The following CEMIP2 variants were observed in gnomAD, a reference collection of about 807,000 sequenced individuals.
The protein encoded by CEMIP2 is cell migration inducing hyaluronidase 2.
CEMIP2 carries 79 observed loss-of-function variants against 146.9 expected under a neutral mutation model. The ratio of observed to expected loss-of-function variants is 0.54; its 90% confidence interval spans 0.45 to 0.65. The LOEUF is 0.65. CEMIP2 is among the 30% of genes least tolerant of loss of function. The pLI is 0.00. For missense variants in CEMIP2, 1,596 were observed against 1,696.2 expected, an observed-to-expected ratio of 0.94 and a Z score of 1.04; for synonymous variants, 601 against 606.3, an observed-to-expected ratio of 0.99 and a Z score of 0.13.
At chr9:71,719,653 C>A (rs1408752031) in intron 12 of CEMIP2, among the ~76,000 whole-genome samples, 1 of 151,934 alleles carries the variant, frequency 6.6e-6, no homozygotes, top group East Asian at 1.9e-4. Flanking sequence ...AGTGTCATAT[C>A]CATCTTTAGA....
At chr9:71,743,895 A>G (rs1823996605) in intron 4 of CEMIP2, among the ~76,000 whole-genome samples, 1 of 152,194 alleles carries the variant, frequency 6.6e-6, no homozygotes, top group Non-Finnish European at 1.5e-5. Context: ...TCAAAGGAAA[A>G]AATAGTAACT....
intron 7 of CEMIP2, 80 bp downstream of exon 7, chr9:71,732,271 T>C (rs1823640779): frequency 1.3e-5 from 19 of 1,408,994 alleles, no homozygotes; most frequent in South Asian, 4.3e-5. Context: ...ATTTATATCT[T>C]GTTCCAAAAC....
intron 4 of CEMIP2, among the ~76,000 whole-genome samples, chr9:71,742,770 A>G (rs1823959391): frequency 1.3e-5 from 2 of 152,242 alleles, no homozygotes; most frequent in African/African-American, 4.8e-5. Context: ...TCCTAGGTTT[A>G]TATATTATAG....
At chr9:71,730,602 C>T (rs1823587382) in intron 8 of CEMIP2, 103 bp downstream of exon 8, 1 of 1,218,106 alleles carries the variant, frequency 8.2e-7, no homozygotes, top group South Asian at 1.5e-5. Flanking sequence ...TAGAGCAAGG[C>T]ATGTGGCTAA....
At chr9:71,755,358 C>G (rs1824400420) in intron 1 of CEMIP2, among the ~76,000 whole-genome samples, 1 of 150,396 alleles carries the variant, frequency 6.6e-6, no homozygotes, top group Non-Finnish European at 1.5e-5. Context: ...CACACACACA[C>G]ACACACACAC....
chr9:71,691,276 C>A (rs13290692), intron 21 of CEMIP2, among the ~76,000 whole-genome samples: 3 of 151,518 alleles, frequency 2.0e-5, no homozygotes, highest in African/African-American at 7.3e-5. Flanking sequence ...AGAGATACAC[C>A]GGGCGTGGTG....
chr9:71,755,346 TAC>T (rs34581447), intron 1 of CEMIP2, among the ~76,000 whole-genome samples: 67,913 of 134,620 alleles, frequency 0.5, 17,413 homozygotes, highest in East Asian at 0.64. Context: ...ACCCTGTCTC[TAC>T]ACACACACAC....
At chr9:71,725,554 A>G (rs377442244) in intron 11 of CEMIP2, 27 bp downstream of exon 11, 1 of 1,609,856 alleles carries the variant, frequency 6.2e-7, no homozygotes, top group African/African-American at 1.3e-5. Context: ...TAGCATATGT[A>G]CTAATTGTTA....
intron 20 of CEMIP2, among the ~76,000 whole-genome samples, chr9:71,696,768 TCAA>T (rs1156851094): frequency 2.0e-5 from 3 of 151,864 alleles, no homozygotes; most frequent in South Asian, 2.1e-4. Context: ...AGACTCCATC[TCAA>T]CAACAACAAC....
intron 1 of CEMIP2, among the ~76,000 whole-genome samples, chr9:71,761,384 C>T (rs1824631509): frequency 6.6e-6 from 1 of 152,096 alleles, no homozygotes; most frequent in Admixed American, 6.5e-5. Flanking sequence ...TAGTGATGTA[C>T]AGATACCAAA....
In CEMIP2 at chr9:71,747,694, C is replaced by T. The variant is rs535039432; in HGVS notation, c.332-1353G>A. Among the ~76,000 whole-genome samples, 3 of 152,166 alleles carry T rather than the reference C, an allele frequency of 2.0e-5. No individual in the cohort carries two copies. The South Asian group carries it at 6.2e-4, about 32-fold the overall frequency. On this transcript the variant is annotated intron_variant, in intron 2 of 23. Coordinates refer to ENST00000377044, the MANE Select transcript of CEMIP2 (RefSeq NM_013390.3). Reference sequence around the variant, plus strand: ...AAAAGTAGAGAGGTAGGGTGCTACACAAACATATTGTTCTATACAGAAAAA... The same window carrying T: ...AAAAGTAGAGAGGTAGGGTGCTACATAAACATATTGTTCTATACAGAAAAA...
intron 1 of CEMIP2, among the ~76,000 whole-genome samples, chr9:71,758,394 G>C (rs965612042): frequency 2.0e-5 from 3 of 152,204 alleles, no homozygotes; most frequent in African/African-American, 7.2e-5. Flanking sequence ...GGAGACTTCA[G>C]AATGAAAACC....
In CEMIP2 at chr9:71,685,349, A is replaced by C; in HGVS notation, c.4000T>G (p.Trp1334Gly). The part of the protein sequence containing the change: ...LGFSGNFKPS[W>G]TKLFTSPAGQ... Reference sequence around the variant, plus strand: ...GCAGGACTGGTAAATAGCTTAGTCCATGATGGTTTAAAGTTTCCACTGAAT... The same window carrying C: ...GCAGGACTGGTAAATAGCTTAGTCCCTGATGGTTTAAAGTTTCCACTGAAT... The change falls in exon 24 of 24, where the codon TGG becomes GGG. Residue 1334 changes from tryptophan (W) to glycine (G), a missense_variant. Physicochemically the swap from Trp to Gly is radical, Grantham distance 184. Coordinates refer to ENST00000377044, the MANE Select transcript of CEMIP2 (RefSeq NM_013390.3). The C allele has an allele frequency of 6.3e-7, 1 of 1,595,732 alleles. No homozygotes were observed. Among genetic ancestry groups the C allele is most frequent in the Non-Finnish European group, 8.5e-7 (1 of 1,174,184 alleles).
At chr9:71,702,278 A>AAAAAC (rs1554681413) in intron 18 of CEMIP2, among the ~76,000 whole-genome samples, 2 of 144,802 alleles carry the variant, frequency 1.4e-5, no homozygotes, top group African/African-American at 2.5e-5. Context: ...AAAAAAAAAA[A>AAAAAC]AATATTGTTC....
chr9:71,721,681 C>G (rs951333023), intron 12 of CEMIP2, among the ~76,000 whole-genome samples: 12 of 152,148 alleles, frequency 7.9e-5, no homozygotes, highest in African/African-American at 2.9e-4. Context: ...GTCAACAAAG[C>G]CTATTAAATC....
intron 21 of CEMIP2, among the ~76,000 whole-genome samples, chr9:71,692,609 C>T (rs559912269): frequency 7.2e-5 from 11 of 152,156 alleles, no homozygotes; most frequent in African/African-American, 2.4e-4. Context: ...AGCATAAACA[C>T]AGACTTGAAG....
chr9:71,732,965 C>T (rs1419527895), intron 6 of CEMIP2, among the ~76,000 whole-genome samples: 1 of 152,028 alleles, frequency 6.6e-6, no homozygotes, highest in East Asian at 1.9e-4. Flanking sequence ...CTCAATCCTC[C>T]CTTCAACAGC....
At chr9:71,696,650 A>C (rs1397276873) in intron 20 of CEMIP2, among the ~76,000 whole-genome samples, 1 of 152,082 alleles carries the variant, frequency 6.6e-6, no homozygotes, top group Non-Finnish European at 1.5e-5. Flanking sequence ...ATGCACCTGT[A>C]GTCCCAGCTT....
intron 1 of CEMIP2, among the ~76,000 whole-genome samples, chr9:71,762,316 A>G (rs1469343225): frequency 6.6e-6 from 1 of 152,098 alleles, no homozygotes; most frequent in African/African-American, 2.4e-5. Context: ...CACTTAGCCG[A>G]ATAGGGATAC....
Sources: gnomAD v4.1 joint callset for allele counts (sites outside exome capture counted in the v4.1 genomes callset) on GRCh38, gnomAD v4.1.1 for gene constraint, MANE v1.5 for transcripts, NCBI Gene and HGNC (gene_info 2026-07-23, HGNC 2026-07-21) for gene names.